The following FAAP24 variants were observed in gnomAD, a reference collection of about 807,000 sequenced individuals.
FAAP24 encodes the protein Fanconi anemia core complex-associated protein 24.
Under a neutral mutation model 14.3 loss-of-function variants are expected in FAAP24, and 16 were observed. The ratio of observed to expected loss-of-function variants is 1.12; its 90% CI spans 0.76 to 1.69. The LOEUF is 1.69. Among genes scored for constraint, FAAP24 ranks in the 40% most tolerant of loss-of-function variants. FAAP24 has a pLI of 0.00. For missense variants in FAAP24, 234 were observed against 262.7 expected, an observed-to-expected ratio of 0.89 and a Z score of 0.75; for synonymous variants, 111 against 106.2, an observed-to-expected ratio of 1.04 and a Z score of -0.28.
chr19:32,973,061 G>GT, intron 1 of FAAP24, 123 bp from the exon 2 acceptor site: 1 of 705,776 alleles, frequency 1.4e-6, no homozygotes, highest in Non-Finnish European at 2.4e-6. Context: ...TTATTTGACA[G>GT]TTCTTTGACA....
chr19:32,973,909 C>T lies in FAAP24; in HGVS notation c.244-151C>T, dbSNP rs369008054. On this transcript the variant is annotated intron_variant, in intron 3 of 4. Coordinates refer to ENST00000588258, the MANE Select transcript of FAAP24 (RefSeq NM_152266.5). The stretch of plus-strand genomic sequence containing the variant: ...ATGTAAGCATTGGATTAAAGAAACT[C>T]GAACATTGATTTGTCTCACCCCACC... 3.0e-5 allele frequency: 23 copies of T among 766,020 alleles called. No homozygotes were observed. The East Asian group carries it at 3.2e-4, about 11-fold the overall frequency. 47.5% of individuals were successfully genotyped at this position (766,020 alleles called of 1,614,324 possible).
At position 32,977,044 on chromosome 19, in the gene FAAP24, G is replaced by C; in HGVS notation, c.*362G>C. 1 of 325,950 alleles carries C rather than the reference G, an allele frequency of 3.1e-6. No individual in the cohort carries two copies. Among genetic ancestry groups the C allele is most frequent in the Admixed American group, 6.6e-5 (1 of 15,140 alleles). 20.2% of individuals were successfully genotyped at this position (325,950 alleles called of 1,614,324 possible). On this transcript the variant is annotated 3_prime_UTR_variant, in exon 5 of 5. Coordinates refer to ENST00000588258, the MANE Select transcript of FAAP24 (RefSeq NM_152266.5). ...CACCAGAGCGAGACTCCGTCTCAAA[G>C]AAAACAACAAAAAAAAAAAAAAAAG... is the stretch of plus-strand genomic sequence containing the variant.
In FAAP24 at chr19:32,972,269, A is replaced by G. The variant is rs1971437219; in HGVS notation, c.-91A>G. 3 of 458,170 alleles carry G rather than the reference A, an allele frequency of 6.5e-6. No individual in the cohort carries two copies. Among genetic ancestry groups the G allele is most frequent in the Admixed American group, 7.3e-5 (2 of 27,336 alleles). 28.4% of individuals were successfully genotyped at this position (458,170 alleles called of 1,614,324 possible). ...GAACCCGGAAGGTGGCGCGGCCACC[A>G]GTAACATGATCTCTAGACTGGGACG... On this transcript the variant is annotated 5_prime_UTR_variant, in exon 1 of 5. Transcript: ENST00000588258.
At chr19:32,975,001 G>A (rs929090536) in intron 4 of FAAP24, among the ~76,000 whole-genome samples, 10 of 140,872 alleles carry the variant, frequency 7.1e-5, no homozygotes, top group Admixed American at 3.5e-4. Context: ...TCAGCCTCCC[G>A]AGTAGCTGGG....
intron 3 of FAAP24, 127 bp from the exon 4 acceptor site, chr19:32,973,933 C>T (rs1971483234): frequency 2.3e-6 from 2 of 868,380 alleles, no homozygotes; most frequent in Non-Finnish European, 3.7e-6. Context: ...TCTCACCCCA[C>T]CCTTCCCTCC....
chr19:32,974,787 AAAAG>A (rs915363538), intron 4 of FAAP24, among the ~76,000 whole-genome samples: 4 of 152,162 alleles, frequency 2.6e-5, no homozygotes, highest in African/African-American at 7.2e-5. Context: ...TTGTCTCAAA[AAAAG>A]AAAGAAAGAA....
chr19:32,977,717 C>G lies in FAAP24; in HGVS notation c.*1035C>G, dbSNP rs545907898. 1.1e-4 allele frequency: 35 copies of G among 315,196 alleles called. No individual in the cohort carries two copies. Among genetic ancestry groups the G allele is most frequent in the East Asian group, 2.0e-4 (4 of 19,906 alleles). The allele number at this position is 315,196 out of a possible 1,614,324, so 19.5% of individuals were successfully genotyped here. ...GGGTGAATCACAAGGTCAGGAGATC[C>G]AGACCATCCTGGCCGACATGGTGAA... On this transcript the variant is annotated 3_prime_UTR_variant, in exon 5 of 5. Coordinates refer to ENST00000588258, the MANE Select transcript of FAAP24 (RefSeq NM_152266.5).
Position 32,973,456 on chromosome 19 carries a change from T to C in FAAP24, c.137T>C (p.Leu46Ser), listed in dbSNP as rs1339420628. 1.9e-6 allele frequency: 3 copies of C among 1,614,266 alleles called. No homozygotes were observed. In the South Asian group the frequency reaches 3.3e-5, roughly 18 times the overall value. ...GKIKLIFEDGLTPDFYLSNRC... is the reference protein window; with the variant it reads ...GKIKLIFEDGSTPDFYLSNRC... ...ATTAAGCTCATTTTCGAGGATGGCTTGACACCAGACTTTTATCTGTCGAAC... is the reference window on the plus strand; with the variant it reads ...ATTAAGCTCATTTTCGAGGATGGCTCGACACCAGACTTTTATCTGTCGAAC... Residue 46 changes from leucine (L) to serine (S), a missense_variant, in exon 3 of 5, where the codon TTG becomes TCG. Physicochemically the swap from Leu to Ser is moderately radical, Grantham distance 145. Coordinates refer to ENST00000588258, the MANE Select transcript of FAAP24 (RefSeq NM_152266.5).
At chr19:32,973,660 G>C in intron 3 of FAAP24, 98 bp downstream of exon 3, 1 of 1,282,250 alleles carries the variant, frequency 7.8e-7, no homozygotes, top group Admixed American at 2.0e-5. Flanking sequence ...TTGGAGACCA[G>C]CCTGGCCAAC....
At chr19:32,973,397 G>A in intron 2 of FAAP24, 29 bp from the exon 3 acceptor site, 3 of 1,609,130 alleles carry the variant, frequency 1.9e-6, no homozygotes, top group Non-Finnish European at 2.5e-6. Context: ...CAAAGCTTAT[G>A]GAACTCATTT....
Position 32,976,777 on chromosome 19 carries a change from C to T in FAAP24, c.*95C>T. 1.3e-6 allele frequency: 2 copies of T among 1,482,966 alleles called. No individual in the cohort carries two copies. The highest frequency in any genetic ancestry group is 1.8e-6 in the Non-Finnish European group (2 of 1,097,176). 91.9% of individuals were successfully genotyped at this position (1,482,966 alleles called of 1,614,324 possible). On this transcript the variant is annotated 3_prime_UTR_variant, in exon 5 of 5. Transcript: ENST00000588258. ...AAACCAAGAGAATGGGCCGGGTGCA[C>T]TGGCTCACGCCTCTAATCTCAGCAC... is the stretch of plus-strand genomic sequence containing the variant.
intron 3 of FAAP24, 66 bp downstream of exon 3, chr19:32,973,628 G>T (rs1301591415): frequency 1.3e-6 from 2 of 1,560,294 alleles, no homozygotes; most frequent in Non-Finnish European, 1.8e-6. Context: ...GCCAAGGCGG[G>T]TGGATCACCT....
At position 32,977,210 on chromosome 19, in the gene FAAP24, C is replaced by T. The variant is rs113389938; in HGVS notation, c.*528C>T. 252 of 399,718 alleles carry T rather than the reference C, an allele frequency of 6.3e-4. No homozygotes were observed. The highest frequency in any genetic ancestry group is 2.6e-3 in the African/African-American group (128 of 48,710). The allele number at this position is 399,718 out of a possible 1,614,324, so 24.8% of individuals were successfully genotyped here. A position where few individuals can be genotyped will look rare whatever the true frequency, so the allele number is the denominator to read the frequency against. On this transcript the variant is annotated 3_prime_UTR_variant, in exon 5 of 5. Coordinates refer to ENST00000588258, the MANE Select transcript of FAAP24 (RefSeq NM_152266.5). ...GGGCACTGCCTTCATTCTGCTAAGA[C>T]GAAAAGGGCTGGTGGGATCTTCGCA...
rs770407899 is a variant in FAAP24 at position 32,973,296 on chromosome 19, A to C, written c.100A>C (p.Met34Leu). Reference sequence around the variant, plus strand: ...GCGCGGGTCACAGCTGGCGCAGGAGATGCAAGGTCGGTGGCCTGCCCTCTG... The same window carrying C: ...GCGCGGGTCACAGCTGGCGCAGGAGCTGCAAGGTCGGTGGCCTGCCCTCTG... The part of the protein sequence containing the change: ...KWRGSQLAQE[M>L]QGKIKLIFED... The change falls in exon 2 of 5, where the codon ATG (methionine) becomes CTG (leucine). Residue 34 changes from methionine (M) to leucine (L), a missense_variant. Transcript: ENST00000588258. 3.1e-6 allele frequency: 5 copies of C among 1,613,828 alleles called. No individual in the cohort carries two copies. In the African/African-American group the frequency reaches 6.7e-5, roughly 22 times the overall value.
chr19:32,976,478 G>A lies in FAAP24; in HGVS notation c.444G>A (p.Lys148=), dbSNP rs1301945133. Reference sequence around the variant, plus strand: ...CCAGTAAGAACCCTCTTCTCGGGAAGAAACGGGCCCTGCTGCTGTCTGAGC... The same window carrying A: ...CCAGTAAGAACCCTCTTCTCGGGAAAAAACGGGCCCTGCTGCTGTCTGAGC... The part of the protein sequence containing the change: ...KEPSKNPLLG[K]KRALLLSEPS... The change falls in exon 5 of 5, where the codon AAG becomes AAA. Residue 148 remains lysine, a synonymous_variant. Coordinates refer to ENST00000588258, the MANE Select transcript of FAAP24 (RefSeq NM_152266.5). 2 of 1,614,108 alleles carry A rather than the reference G, an allele frequency of 1.2e-6. No homozygotes were observed. Among genetic ancestry groups the A allele is most frequent in the African/African-American group, 2.7e-5 (2 of 74,938 alleles).
chr19:32,974,204 A>T lies in FAAP24; in HGVS notation c.388A>T (p.Ile130Phe), dbSNP rs772274761. 6.2e-7 allele frequency: 1 copy of T among 1,613,196 alleles called. No individual in the cohort carries two copies. The highest frequency in any genetic ancestry group is 1.1e-5 in the South Asian group (1 of 90,800). ...CCAGATGGAAGCATCCTGCCTCGTC[A>T]TCCAGTTGGTGAGTACCGATTCCTA... is the stretch of plus-strand genomic sequence containing the variant. ...ASQMEASCLV[I>F]QLVQEQTKEP... The change falls in exon 4 of 5, where the codon ATC becomes TTC. Residue 130 changes from isoleucine (I) to phenylalanine (F), a missense_variant. Physicochemically the swap from Ile to Phe is conservative, Grantham distance 21. Coordinates refer to ENST00000588258, the MANE Select transcript of FAAP24 (RefSeq NM_152266.5).
At chr19:32,974,790 A>G (rs184574282) in intron 4 of FAAP24, among the ~76,000 whole-genome samples, 95 of 152,278 alleles carry the variant, frequency 6.2e-4, no homozygotes, top group African/African-American at 2.2e-3. Flanking sequence ...TCTCAAAAAA[A>G]GAAAGAAAGA....
In FAAP24 at chr19:32,972,346, G is replaced by C; in HGVS notation, c.-14G>C. ...GCCTTGGACTGGACTGAGAAGCTAC[G>C]GTGCGGATCCAGCTGGGGTATCAGG... On this transcript the variant is annotated splice_region_variant and 5_prime_UTR_variant, in exon 1 of 5. Coordinates refer to ENST00000588258, the MANE Select transcript of FAAP24 (RefSeq NM_152266.5). 1 of 405,160 alleles carries C rather than the reference G, an allele frequency of 2.5e-6. No individual in the cohort carries two copies. 25.1% of individuals were successfully genotyped at this position (405,160 alleles called of 1,614,324 possible). A position where few individuals can be genotyped will look rare whatever the true frequency, so the allele number is the denominator to read the frequency against.
At position 32,976,444 on chromosome 19, in the gene FAAP24, C is replaced by T. The variant is rs1971517190; in HGVS notation, c.410C>T (p.Thr137Ile). 1 of 1,613,776 alleles carries T rather than the reference C, an allele frequency of 6.2e-7. No individual in the cohort carries two copies. The highest frequency in any genetic ancestry group is 8.5e-7 in the Non-Finnish European group (1 of 1,179,794). ...ATTGTGGTTCAGGTTCAAGAGCAAA[C>T]CAAAGAGCCCAGTAAGAACCCTCTT... ...CLVIQLVQEQ[T>I]KEPSKNPLLG... Residue 137 changes from threonine (T) to isoleucine (I), a missense_variant, in exon 5 of 5, where the codon ACC becomes ATC. Physicochemically the swap from Thr to Ile is moderately conservative, Grantham distance 89 (BLOSUM62 -1). Coordinates refer to ENST00000588258, the MANE Select transcript of FAAP24 (RefSeq NM_152266.5).
Sources: gnomAD v4.1 joint callset for allele counts (sites outside exome capture counted in the v4.1 genomes callset) on GRCh38, gnomAD v4.1.1 for gene constraint, MANE v1.5 for transcripts, NCBI Gene and HGNC (gene_info 2026-07-23, HGNC 2026-07-21) for gene names.